ADAMTSL1: variants seen among roughly 807,000 people sequenced by gnomAD.
ADAMTSL1 encodes the protein ADAMTS like 1.
Under a neutral mutation model 201.8 loss-of-function variants are expected in ADAMTSL1, and 126 were observed. The observed-to-expected ratio is 0.62, with a 90% CI of 0.54 to 0.72. The LOEUF is 0.72. ADAMTSL1 is among the 30% of genes least tolerant of loss of function. The pLI is 0.00. For missense variants in ADAMTSL1, 2,679 were observed against 2,277.8 expected, an observed-to-expected ratio of 1.18 and a Z score of -3.59; for synonymous variants, 1,121 against 903.4, an observed-to-expected ratio of 1.24 and a Z score of -4.32.
intron 19 of ADAMTSL1, among the ~76,000 whole-genome samples, chr9:18,791,589 C>A (rs1236927667): frequency 2.0e-5 from 3 of 152,046 alleles, no homozygotes; most frequent in African/African-American, 7.2e-5. Context: ...CCCCAAATAA[C>A]TATGTACCCT....
intron 1 of ADAMTSL1, among the ~76,000 whole-genome samples, chr9:17,943,887 G>A (rs1588454946): frequency 6.6e-6 from 1 of 152,000 alleles, no homozygotes; most frequent in South Asian, 2.1e-4. Flanking sequence ...TTACAGTCAT[G>A]GCAGAAGGTG....
At chr9:18,588,537 C>T (rs574756015) in intron 4 of ADAMTSL1, among the ~76,000 whole-genome samples, 1 of 152,090 alleles carries the variant, frequency 6.6e-6, no homozygotes, top group African/African-American at 2.4e-5. Context: ...TTGCCCAGAT[C>T]CTTGTTGTGG....
intron 1 of ADAMTSL1, among the ~76,000 whole-genome samples, chr9:18,060,544 A>G (rs72697478): frequency 0.012 from 1,860 of 152,312 alleles, 15 homozygotes; most frequent in Non-Finnish European, 0.017. Flanking sequence ...AGCTGCCTAT[A>G]GGAATTTGGC....
At chr9:18,684,030 T>G (rs912171512) in intron 12 of ADAMTSL1, among the ~76,000 whole-genome samples, 2 of 152,202 alleles carry the variant, frequency 1.3e-5, no homozygotes, top group African/African-American at 4.8e-5. Context: ...GTAAGAGCCG[T>G]TAGAACATCC....
Position 18,824,192 on chromosome 9 carries a change from A to T in ADAMTSL1, c.3935-2092A>T, listed in dbSNP as rs550661658. Among the ~76,000 whole-genome samples the T allele has an allele frequency of 8.3e-4, 112 of 135,470 alleles. 1 individual carries two copies. In the East Asian group the frequency reaches 0.019, roughly 23 times the overall value. The allele number at this position is 135,470 out of a possible 152,430, so 88.9% of individuals were successfully genotyped here. ...CTAAATGCCGTGGATTTTTTTTTTT[A>T]AATGGGAAAAAAACTAAGCTCAGGG... On this transcript the variant is annotated intron_variant, in intron 21 of 28. Coordinates refer to ENST00000380548, the MANE Select transcript of ADAMTSL1 (RefSeq NM_001040272.6).
intron 3 of ADAMTSL1, among the ~76,000 whole-genome samples, chr9:18,566,483 G>C (rs747685524): frequency 6.6e-6 from 1 of 152,188 alleles, no homozygotes; most frequent in Non-Finnish European, 1.5e-5. Flanking sequence ...GCAGGATAAA[G>C]ACAAATCAGC....
intron 1 of ADAMTSL1, among the ~76,000 whole-genome samples, chr9:18,129,695 A>G (rs1428104141): frequency 1.3e-5 from 2 of 152,156 alleles, no homozygotes; most frequent in Non-Finnish European, 2.9e-5. Flanking sequence ...CAGAAAAACA[A>G]TTTTCCTTCA....
At chr9:18,130,711 GC>G (rs373045999) in intron 1 of ADAMTSL1, among the ~76,000 whole-genome samples, 7 of 152,240 alleles carry the variant, frequency 4.6e-5, no homozygotes, top group African/African-American at 1.7e-4. Flanking sequence ...ATAAAATTCA[GC>G]ATTCCCACCA....
chr9:18,195,964 T>C (rs915029819), intron 2 of ADAMTSL1, among the ~76,000 whole-genome samples: 4 of 152,164 alleles, frequency 2.6e-5, no homozygotes, highest in Non-Finnish European at 5.9e-5. Context: ...AAAAACTGTA[T>C]TTTTGAAACT....
chr9:18,750,075 G>A (rs1419349001), intron 15 of ADAMTSL1, among the ~76,000 whole-genome samples: 5 of 152,208 alleles, frequency 3.3e-5, no homozygotes, highest in African/African-American at 1.2e-4. Flanking sequence ...GGGTTCACCA[G>A]CACTGGCCAT....
chr9:17,981,741 T>G (rs1818709539), intron 1 of ADAMTSL1, among the ~76,000 whole-genome samples: 1 of 152,214 alleles, frequency 6.6e-6, no homozygotes, highest in Non-Finnish European at 1.5e-5. Flanking sequence ...TGATCACACA[T>G]TGTTAGATAC....
chr9:18,715,468 C>G (rs953202016), intron 14 of ADAMTSL1, among the ~76,000 whole-genome samples: 2 of 152,024 alleles, frequency 1.3e-5, no homozygotes, highest in South Asian at 2.1e-4. Context: ...CCAAATCATG[C>G]GTGAACTCCC....
chr9:18,128,580 G>A (rs1825830106), intron 1 of ADAMTSL1, among the ~76,000 whole-genome samples: 1 of 152,048 alleles, frequency 6.6e-6, no homozygotes, highest in African/African-American at 2.4e-5. Flanking sequence ...CAAAGCGCTG[G>A]GATTATAGGT....
At chr9:17,987,491 T>C (rs1315607112) in intron 1 of ADAMTSL1, among the ~76,000 whole-genome samples, 14 of 151,976 alleles carry the variant, frequency 9.2e-5, no homozygotes, top group Admixed American at 7.2e-4. Flanking sequence ...TTAAACGAAA[T>C]ATGGAAGAGG....
intron 2 of ADAMTSL1, among the ~76,000 whole-genome samples, chr9:18,306,643 A>C (rs148925162): frequency 6.6e-6 from 1 of 152,292 alleles, no homozygotes; most frequent in Non-Finnish European, 1.5e-5. Context: ...AGATTAGAGA[A>C]AAAAAGAATG....
At chr9:18,811,952 G>T (rs2131153007) in intron 20 of ADAMTSL1, among the ~76,000 whole-genome samples, 1 of 152,132 alleles carries the variant, frequency 6.6e-6, no homozygotes, top group East Asian at 1.9e-4. Context: ...AATTAAAGAA[G>T]ATCTAAATTA....
chr9:18,361,938 G>A (rs1310272687), intron 2 of ADAMTSL1: 2 of 152,178 alleles, frequency 1.3e-5, no homozygotes, highest in African/African-American at 2.4e-5. Context: ...TGGGACAGAA[G>A]GGGAGCATAA....
chr9:18,275,422 T>C (rs916887839), intron 2 of ADAMTSL1, among the ~76,000 whole-genome samples: 15 of 152,174 alleles, frequency 9.9e-5, no homozygotes, highest in African/African-American at 3.4e-4. Flanking sequence ...TAAATATGAA[T>C]AGTCATCCAA....
At chr9:18,374,548 G>A (rs1017739727) in intron 2 of ADAMTSL1, among the ~76,000 whole-genome samples, 3 of 152,002 alleles carry the variant, frequency 2.0e-5, no homozygotes, top group Admixed American at 6.6e-5. Flanking sequence ...GCCCAGGCTG[G>A]TCTCTTAACT....
Sources: allele counts gnomAD v4.1 joint callset (sites outside exome capture counted in the v4.1 genomes callset), GRCh38; gene constraint gnomAD v4.1.1; transcripts MANE v1.5; gene names NCBI Gene and HGNC (gene_info 2026-07-23, HGNC 2026-07-21).